NDUFAF2: variants seen among roughly 807,000 people sequenced by gnomAD.
The protein encoded by NDUFAF2 is NADH dehydrogenase [ubiquinone] 1 alpha subcomplex assembly factor 2.
In NDUFAF2, 13 loss-of-function variants were observed where a neutral mutation model predicts 22.8. That is an observed-to-expected ratio of 0.57 (90% confidence interval 0.37 to 0.91). The LOEUF (loss-of-function observed/expected upper bound fraction) is 0.91. NDUFAF2 is among the 40% of genes least tolerant of loss of function. The pLI is 0.01. For synonymous variants in NDUFAF2, 53 were observed against 64.2 expected (o/e 0.83, Z 0.84); for missense variants, 162 against 195.2 (o/e 0.83, Z 1.01).
intron 1 of NDUFAF2, among the ~76,000 whole-genome samples, chr5:61,027,889 TCAC>T (rs1381032913): frequency 6.6e-6 from 1 of 152,050 alleles, no homozygotes; most frequent in Non-Finnish European, 1.5e-5. Context: ...TATAATTCAT[TCAC>T]TCTTGAATCA....
At position 61,005,257 on chromosome 5, in the gene NDUFAF2, G is replaced by A. The variant is rs569602472; in HGVS notation, c.127+59875G>A. ...CTAGCTTCATCCATGTCCCTACAAAGGACATGAAATCATCCTTTTTTATGG... is the reference window on the plus strand; with the variant it reads ...CTAGCTTCATCCATGTCCCTACAAAAGACATGAAATCATCCTTTTTTATGG... On this transcript the variant is annotated intron_variant, in intron 1 of 3. Transcript: ENST00000296597. Among the ~76,000 whole-genome samples, 200 of 152,244 alleles carry A rather than the reference G, an allele frequency of 1.3e-3. 1 individual carries two copies. Among genetic ancestry groups the A allele is most frequent in the African/African-American group, 4.6e-3 (193 of 41,540 alleles).
chr5:61,063,203 A>G (rs1752187764), intron 1 of NDUFAF2, among the ~76,000 whole-genome samples: 2 of 152,100 alleles, frequency 1.3e-5, no homozygotes. Context: ...TATAAAGGCT[A>G]AAAGTCAAAA....
At chr5:61,104,596 T>G (rs899042072) in intron 3 of NDUFAF2, among the ~76,000 whole-genome samples, 1 of 152,100 alleles carries the variant, frequency 6.6e-6, no homozygotes, top group Non-Finnish European at 1.5e-5. Context: ...TCATAGTATC[T>G]TGTTTACTTG....
At chr5:60,974,611 C>G (rs1229463753) in intron 1 of NDUFAF2, among the ~76,000 whole-genome samples, 1 of 152,096 alleles carries the variant, frequency 6.6e-6, no homozygotes, top group Non-Finnish European at 1.5e-5. Context: ...CCTCGCATCC[C>G]AAAGTGCTGG....
chr5:61,128,665 C>T (rs1035716187), intron 3 of NDUFAF2, among the ~76,000 whole-genome samples: 4 of 152,154 alleles, frequency 2.6e-5, no homozygotes, highest in African/African-American at 9.7e-5. Flanking sequence ...GGATTAAAGA[C>T]TTAAATGTTA....
chr5:61,140,655 C>T (rs77695057), intron 3 of NDUFAF2, among the ~76,000 whole-genome samples: 2 of 152,166 alleles, frequency 1.3e-5, no homozygotes, highest in Non-Finnish European at 1.5e-5. Context: ...AAATCTTGCT[C>T]TTCCTTCAGA....
chr5:60,955,063 T>C (rs1406406326), intron 1 of NDUFAF2, among the ~76,000 whole-genome samples: 2 of 152,240 alleles, frequency 1.3e-5, no homozygotes, highest in Admixed American at 6.5e-5. Flanking sequence ...CAGAAGTATT[T>C]TGGTTTGACG....
At chr5:60,991,816 G>A (rs1751161470) in intron 1 of NDUFAF2, among the ~76,000 whole-genome samples, 1 of 152,148 alleles carries the variant, frequency 6.6e-6, no homozygotes, top group South Asian at 2.1e-4. Flanking sequence ...GTACCTAGGG[G>A]AGGGATTGCC....
chr5:60,962,248 ATTC>A (rs985754907), intron 1 of NDUFAF2, among the ~76,000 whole-genome samples: 21 of 151,930 alleles, frequency 1.4e-4, no homozygotes, highest in African/African-American at 5.1e-4. Flanking sequence ...ACAATATGAC[ATTC>A]TTCTTTTCAC....
At chr5:61,115,656 A>G (rs1265911864) in intron 3 of NDUFAF2, 2 of 152,108 alleles carry the variant, frequency 1.3e-5, no homozygotes, top group Non-Finnish European at 2.9e-5. Flanking sequence ...TTCATAAAAC[A>G]CCAGGCTTGT....
At chr5:61,004,218 A>G (rs1231502694) in intron 1 of NDUFAF2, among the ~76,000 whole-genome samples, 1 of 151,866 alleles carries the variant, frequency 6.6e-6, no homozygotes, top group Non-Finnish European at 1.5e-5. Flanking sequence ...TTCCCGTGCT[A>G]TTGGCTTACA....
At chr5:60,983,110 T>A (rs1349886732) in intron 1 of NDUFAF2, among the ~76,000 whole-genome samples, 6 of 151,394 alleles carry the variant, frequency 4.0e-5, no homozygotes, top group Admixed American at 6.6e-5. Flanking sequence ...TGTGAGATGG[T>A]ATCTCATTGT....
At chr5:61,070,060 C>T (rs1303129452) in intron 1 of NDUFAF2, among the ~76,000 whole-genome samples, 2 of 152,026 alleles carry the variant, frequency 1.3e-5, no homozygotes, top group East Asian at 1.9e-4. Flanking sequence ...TAATAATACT[C>T]ATTGAGTCCA....
intron 1 of NDUFAF2, among the ~76,000 whole-genome samples, chr5:60,961,338 G>A (rs547836101): frequency 6.6e-6 from 1 of 152,182 alleles, no homozygotes; most frequent in Non-Finnish European, 1.5e-5. Context: ...GCTCACGCCT[G>A]TAATCCCAGC....
intron 3 of NDUFAF2, among the ~76,000 whole-genome samples, chr5:61,107,720 G>T (rs1752785582): frequency 6.7e-6 from 1 of 150,368 alleles, no homozygotes; most frequent in Admixed American, 6.6e-5. Flanking sequence ...CAATGTGCAG[G>T]TTAGTTACAT....
At chr5:61,101,387 T>G (rs911466976) in intron 3 of NDUFAF2, among the ~76,000 whole-genome samples, 4 of 152,180 alleles carry the variant, frequency 2.6e-5, no homozygotes, top group African/African-American at 9.7e-5. Context: ...ACATTATAGT[T>G]TAGACTTGTC....
intron 2 of NDUFAF2, among the ~76,000 whole-genome samples, chr5:61,074,388 A>G (rs888685672): frequency 6.6e-6 from 1 of 152,182 alleles, no homozygotes; most frequent in African/African-American, 2.4e-5. Flanking sequence ...AGAGATTAAG[A>G]TCATCCTGGC....
chr5:61,098,173 C>T (rs998785122), intron 2 of NDUFAF2, among the ~76,000 whole-genome samples: 1 of 152,148 alleles, frequency 6.6e-6, no homozygotes, highest in Non-Finnish European at 1.5e-5. Context: ...ATAATTTTCA[C>T]AACAACCCTG....
chr5:61,008,566 C>G (rs192081051), intron 1 of NDUFAF2, among the ~76,000 whole-genome samples: 1 of 152,080 alleles, frequency 6.6e-6, no homozygotes, highest in African/African-American at 2.4e-5. Flanking sequence ...CAATTTCATT[C>G]CCTATAAAAT....
Sources: gnomAD v4.1 joint callset for allele counts (sites outside exome capture counted in the v4.1 genomes callset) on GRCh38, gnomAD v4.1.1 for gene constraint, MANE v1.5 for transcripts, NCBI Gene and HGNC (gene_info 2026-07-23, HGNC 2026-07-21) for gene names.